The following ZNF2 variants were observed in gnomAD, a reference collection of about 807,000 sequenced individuals.
ZNF2 encodes the protein zinc finger protein 2.2.
In ZNF2, 12 loss-of-function variants were observed where a neutral mutation model predicts 21.9. That is an observed-to-expected ratio of 0.55 (90% CI 0.35 to 0.89). The LOEUF (loss-of-function observed/expected upper bound fraction) is 0.89. Among genes scored for constraint, ZNF2 ranks in the 40% least tolerant of loss-of-function variants. The pLI is 0.01. For missense variants in ZNF2, 462 were observed against 544.2 expected (o/e 0.85, Z 1.50); for synonymous variants, 186 against 196.3 (o/e 0.95, Z 0.44).
chr2:95,177,841 C>T (rs1476245744), intron 3 of ZNF2, among the ~76,000 whole-genome samples: 1 of 152,200 alleles, frequency 6.6e-6, no homozygotes, highest in Non-Finnish European at 1.5e-5. Flanking sequence ...ACCATAGGCT[C>T]TCTCGCTCAG....
intron 1 of ZNF2, among the ~76,000 whole-genome samples, chr2:95,171,526 G>A (rs1459263877): frequency 1.3e-5 from 2 of 151,984 alleles, no homozygotes; most frequent in Admixed American, 1.3e-4. Context: ...GGGATTACAG[G>A]TGCCTGCCAC....
chr2:95,181,781 G>A lies in ZNF2; in HGVS notation c.953G>A (p.Cys318Tyr), dbSNP rs1558717160. The A allele has an allele frequency of 6.8e-6, 11 of 1,614,230 alleles. No individual in the cohort carries two copies. The highest frequency in any genetic ancestry group is 1.7e-5 in the Admixed American group (1 of 60,032). Reference protein sequence around the residue: ...TGRKPYECNECGKAFYGVSSL... With the variant: ...TGRKPYECNEYGKAFYGVSSL... ...AGGAAGCCTTATGAGTGTAACGAGTGCGGGAAAGCTTTCTATGGTGTCTCG... is the reference window on the plus strand; with the variant it reads ...AGGAAGCCTTATGAGTGTAACGAGTACGGGAAAGCTTTCTATGGTGTCTCG... The change falls in exon 5 of 5, where the codon TGC becomes TAC. Residue 318 changes from cysteine (C) to tyrosine (Y), a missense_variant. Physicochemically the swap from Cys to Tyr is radical, Grantham distance 194. Transcript: ENST00000614034.
intron 1 of ZNF2, among the ~76,000 whole-genome samples, chr2:95,171,433 A>G (rs1245809049): frequency 6.7e-6 from 1 of 149,734 alleles, no homozygotes; most frequent in Admixed American, 6.7e-5. Context: ...CCCAGGCTAG[A>G]GTGCAGTGGT....
intron 1 of ZNF2, among the ~76,000 whole-genome samples, chr2:95,166,561 A>G (rs1674049533): frequency 6.6e-6 from 1 of 152,168 alleles, no homozygotes. Flanking sequence ...GGTCACATTC[A>G]GGACTAGAGA....
intron 1 of ZNF2, among the ~76,000 whole-genome samples, chr2:95,173,185 TTA>T (rs1219085201): frequency 6.6e-6 from 1 of 152,010 alleles, no homozygotes; most frequent in Non-Finnish European, 1.5e-5. Flanking sequence ...TGCCCAGTAA[TTA>T]TGTTTTTGTA....
chr2:95,166,672 A>G (rs1314627081), intron 1 of ZNF2, among the ~76,000 whole-genome samples: 1 of 152,188 alleles, frequency 6.6e-6, no homozygotes. Context: ...AAAGGGAAGG[A>G]TACAGATGAC....
rs138077144 is a variant in ZNF2 at position 95,183,566 on chromosome 2, T to A, written c.*1460T>A. Reference sequence around the variant, plus strand: ...CTTAACGTGATCCCCATTGCTGAATTTTACCTCCTGACTCCAAAAACTCTT... The same window carrying A: ...CTTAACGTGATCCCCATTGCTGAATATTACCTCCTGACTCCAAAAACTCTT... On this transcript the variant is annotated 3_prime_UTR_variant, in exon 5 of 5. Coordinates refer to ENST00000614034, the MANE Select transcript of ZNF2 (RefSeq NM_021088.4). 6.6e-6 allele frequency: 1 copy of A among 152,022 alleles called. No individual in the cohort carries two copies. The highest frequency in any genetic ancestry group is 1.9e-4 in the East Asian group (1 of 5,172). 9.4% of individuals were successfully genotyped at this position (152,022 alleles called of 1,614,324 possible). A position where few individuals can be genotyped will look rare whatever the true frequency, so the allele number is the denominator to read the frequency against.
chr2:95,169,732 A>AG (rs1674209535), intron 1 of ZNF2, among the ~76,000 whole-genome samples: 1 of 152,198 alleles, frequency 6.6e-6, no homozygotes, highest in Admixed American at 6.5e-5. Flanking sequence ...CCCGGGAGAC[A>AG]GAGCGAGACC....
At chr2:95,173,278 A>G (rs1674342976) in intron 1 of ZNF2, among the ~76,000 whole-genome samples, 1 of 152,142 alleles carries the variant, frequency 6.6e-6, no homozygotes, top group Non-Finnish European at 1.5e-5. Flanking sequence ...ATATTCATAT[A>G]TGAGATAATG....
At chr2:95,173,236 T>C (rs1171993113) in intron 1 of ZNF2, among the ~76,000 whole-genome samples, 2 of 152,016 alleles carry the variant, frequency 1.3e-5, no homozygotes, top group Non-Finnish European at 2.9e-5. Context: ...ATAATATTCA[T>C]ATATAATGTA....
chr2:95,171,749 A>G (rs1199806141), intron 1 of ZNF2, among the ~76,000 whole-genome samples: 1 of 152,064 alleles, frequency 6.6e-6, no homozygotes, highest in Non-Finnish European at 1.5e-5. Context: ...TCAGTTTGTC[A>G]TCTTTCTTAT....
intron 3 of ZNF2, 120 bp downstream of exon 3, chr2:95,177,729 A>T: frequency 7.7e-7 from 1 of 1,294,092 alleles, no homozygotes; most frequent in Non-Finnish European, 1.0e-6. Context: ...GAGATAAAGT[A>T]AGAGTCGAAA....
chr2:95,178,506 G>A (rs967702231), intron 3 of ZNF2, among the ~76,000 whole-genome samples: 2 of 152,162 alleles, frequency 1.3e-5, no homozygotes, highest in Non-Finnish European at 2.9e-5. Context: ...TGAGGTCAGG[G>A]ACAGAGAGCC....
intron 3 of ZNF2, 117 bp downstream of exon 3, chr2:95,177,726 A>G: frequency 7.5e-7 from 1 of 1,332,368 alleles, no homozygotes; most frequent in Admixed American, 2.4e-5. Flanking sequence ...TGAGAGATAA[A>G]GTAAGAGTCG....
At chr2:95,173,966 C>T (rs528628338) in intron 1 of ZNF2, among the ~76,000 whole-genome samples, 1 of 152,324 alleles carries the variant, frequency 6.6e-6, no homozygotes, top group Non-Finnish European at 1.5e-5. Flanking sequence ...GTCTTGGCCT[C>T]CCAAAGTGCT....
chr2:95,174,394 G>A (rs1301827707), intron 1 of ZNF2, among the ~76,000 whole-genome samples: 1 of 152,174 alleles, frequency 6.6e-6, no homozygotes, highest in African/African-American at 2.4e-5. Context: ...AAAGGGCCAT[G>A]CAAAGCTCTC....
chr2:95,168,545 G>A (rs1056836091), intron 1 of ZNF2, among the ~76,000 whole-genome samples: 5 of 152,168 alleles, frequency 3.3e-5, no homozygotes, highest in African/African-American at 1.2e-4. Flanking sequence ...AGACATTTCT[G>A]TCTTGTTGAC....
intron 1 of ZNF2, among the ~76,000 whole-genome samples, chr2:95,171,125 C>T (rs527690186): frequency 4.6e-5 from 7 of 151,898 alleles, no homozygotes; most frequent in South Asian, 2.1e-4. Context: ...TTTTATTTAG[C>T]GCTAGTGATT....
intron 1 of ZNF2, among the ~76,000 whole-genome samples, chr2:95,167,878 A>G (rs1308426248): frequency 5.9e-5 from 9 of 151,760 alleles, no homozygotes; most frequent in African/African-American, 1.7e-4. Flanking sequence ...GTTTTCAAGC[A>G]TGCCATTTCA....
Sources: gnomAD v4.1 joint callset for allele counts (sites outside exome capture counted in the v4.1 genomes callset) on GRCh38, gnomAD v4.1.1 for gene constraint, MANE v1.5 for transcripts, NCBI Gene and HGNC (gene_info 2026-07-23, HGNC 2026-07-21) for gene names.